AGBL3: variants seen among roughly 807,000 people sequenced by gnomAD.
The protein encoded by AGBL3 is AGBL carboxypeptidase 3, also known as cytosolic carboxypeptidase 3.
In AGBL3, 68 loss-of-function variants were observed where a neutral mutation model predicts 94.5. That is an observed-to-expected ratio of 0.72 (90% CI 0.59 to 0.88). AGBL3 has a LOEUF of 0.88. AGBL3 is among the 40% of genes least tolerant of loss of function. AGBL3 has a pLI of 0.00. For synonymous variants in AGBL3, 354 were observed against 370.7 expected (o/e 0.95, Z 0.52); for missense variants, 934 against 1,103.8 (o/e 0.85, Z 2.18).
intron 14 of AGBL3, among the ~76,000 whole-genome samples, chr7:135,080,606 A>C (rs940873137): frequency 2.0e-5 from 3 of 152,098 alleles, no homozygotes; most frequent in Admixed American, 6.5e-5. Flanking sequence ...TATGTTTTAA[A>C]ACCCATCTTT....
At chr7:135,109,394 G>T (rs1434380700) in intron 15 of AGBL3, among the ~76,000 whole-genome samples, 2 of 151,996 alleles carry the variant, frequency 1.3e-5, no homozygotes, top group East Asian at 3.9e-4. Context: ...TGGCTCGATA[G>T]CCCCAGCAAG....
Position 135,059,157 on chromosome 7 carries a change from T to G in AGBL3, c.1842-12T>G. On this transcript the variant is annotated splice_polypyrimidine_tract_variant and intron_variant, in intron 11 of 16. Coordinates refer to ENST00000436302, the MANE Select transcript of AGBL3 (RefSeq NM_178563.4). ...CAAAACACTGTATAAACCAAAATTATTTTTTTTGTAGTAGCCGAGGCTCTG... is the reference window on the plus strand; with the variant it reads ...CAAAACACTGTATAAACCAAAATTAGTTTTTTTGTAGTAGCCGAGGCTCTG... The G allele has an allele frequency of 6.7e-7, 1 of 1,492,772 alleles. No homozygotes were observed. The highest frequency in any genetic ancestry group is 2.1e-5 in the Admixed American group (1 of 46,714). 92.5% of individuals were successfully genotyped at this position (1,492,772 alleles called of 1,614,324 possible). A position where few individuals can be genotyped will look rare whatever the true frequency, so the allele number is the denominator to read the frequency against.
At chr7:135,076,375 T>G (rs1820451400) in intron 12 of AGBL3, 22 bp from the exon 13 acceptor site, 2 of 1,468,650 alleles carry the variant, frequency 1.4e-6, no homozygotes, top group Non-Finnish European at 1.9e-6. Context: ...AATATTGATT[T>G]TAAGTATGAT....
chr7:135,027,436 A>AT (rs59421460), intron 5 of AGBL3, among the ~76,000 whole-genome samples: 140,929 of 151,492 alleles, frequency 0.93, 66,360 homozygotes, highest in Non-Finnish European at 1. Flanking sequence ...AAAAAATTGT[A>AT]TTTATATTTA....
At chr7:135,014,219 AAAAAAAAAC>A (rs1355547425) in intron 4 of AGBL3, among the ~76,000 whole-genome samples, 3 of 126,130 alleles carry the variant, frequency 2.4e-5, no homozygotes, top group Non-Finnish European at 3.6e-5. Context: ...AAAAAAAAAA[AAAAAAAAAC>A]CCGAAATGTT....
At chr7:135,069,806 T>G (rs200732315) in intron 12 of AGBL3, among the ~76,000 whole-genome samples, 18,141 of 151,888 alleles carry the variant, frequency 0.12, 1,187 homozygotes, top group East Asian at 0.19. Context: ...ACATCACAAT[T>G]AAAAGAACTA....
Position 135,034,183 on chromosome 7 carries a change from G to C in AGBL3, c.592G>C (p.Asp198His). 6.4e-7 allele frequency: 1 copy of C among 1,551,344 alleles called. No homozygotes were observed. Among genetic ancestry groups the C allele is most frequent in the Non-Finnish European group, 8.7e-7 (1 of 1,146,864 alleles). The part of the protein sequence containing the change: ...EYEYQLTVRP[D>H]LFTNKHTQWY... ...CGAATACCAATTGACTGTACGCCCT[G>C]ACCTCTTCACAAATAAACACACCCA... The change falls in exon 7 of 17, where the codon GAC becomes CAC. Residue 198 changes from aspartate (D) to histidine (H), a missense_variant. Around this residue, in one of 3 missense-constraint regions of AGBL3, gnomAD observed 488 missense variants for 563.6 expected, o/e 0.87. Coordinates refer to ENST00000436302, the MANE Select transcript of AGBL3 (RefSeq NM_178563.4).
rs1304536701 is a variant in AGBL3, at chr7:134,993,682, T to C, written c.310+4T>C. The stretch of plus-strand genomic sequence containing the variant: ...GATGAAAAAGTCCAGCATATTGGTA[T>C]GTTTTTAGCAGTTTGGGGGATTCAG... On this transcript the variant is annotated splice_donor_region_variant and intron_variant, in intron 4 of 16. Transcript: ENST00000436302. 3 of 1,537,952 alleles carry C rather than the reference T, an allele frequency of 2.0e-6. No individual in the cohort carries two copies. The highest frequency in any genetic ancestry group is 1.7e-4 in the Middle Eastern group (1 of 5,960).
intron 15 of AGBL3, among the ~76,000 whole-genome samples, chr7:135,097,294 T>C (rs1823050084): frequency 6.6e-6 from 1 of 152,164 alleles, no homozygotes; most frequent in African/African-American, 2.4e-5. Flanking sequence ...CAATAATGTT[T>C]TCTACAGTGT....
chr7:135,123,897 T>C (rs1827490805), intron 16 of AGBL3, among the ~76,000 whole-genome samples: 1 of 152,102 alleles, frequency 6.6e-6, no homozygotes, highest in African/African-American at 2.4e-5. Context: ...AAAGAAGCAC[T>C]AAATATGAAA....
Position 135,034,832 on chromosome 7 carries a change from G to A in AGBL3, c.1241G>A (p.Arg414His), listed in dbSNP as rs1020880226. The A allele has an allele frequency of 8.4e-6, 13 of 1,551,880 alleles. No individual in the cohort carries two copies. Among genetic ancestry groups the A allele is most frequent in the Middle Eastern group, 3.3e-4 (2 of 5,994 alleles). ...NPDGVIVGNY[R>H]CSLAGRDLNR... ...GATGGTGTGATTGTGGGAAATTATC[G>A]CTGTTCCTTAGCTGGACGGGATTTA... is the stretch of plus-strand genomic sequence containing the variant. The change falls in exon 7 of 17, where the codon CGC becomes CAC. Residue 414 changes from arginine (R) to histidine (H), a missense_variant. Around this residue, in one of 3 missense-constraint regions of AGBL3, gnomAD observed 488 missense variants for 563.6 expected, o/e 0.87. Coordinates refer to ENST00000436302, the MANE Select transcript of AGBL3 (RefSeq NM_178563.4).
At chr7:135,067,892 T>C (rs1722686393) in intron 12 of AGBL3, among the ~76,000 whole-genome samples, 1 of 151,968 alleles carries the variant, frequency 6.6e-6, no homozygotes, top group Non-Finnish European at 1.5e-5. Context: ...GGATGGAAAA[T>C]GACTGACGAG....
chr7:135,039,719 T>G (rs1816663346), intron 8 of AGBL3, among the ~76,000 whole-genome samples: 1 of 151,748 alleles, frequency 6.6e-6, no homozygotes, highest in Non-Finnish European at 1.5e-5. Flanking sequence ...TGGGCAACAG[T>G]GTGAGACTCC....
chr7:135,119,129 G>C (rs12534612), intron 16 of AGBL3, among the ~76,000 whole-genome samples: 66,657 of 151,872 alleles, frequency 0.44, 15,327 homozygotes, highest in East Asian at 0.78. Context: ...TGGCTGAAAG[G>C]TTCCCAAATT....
intron 15 of AGBL3, among the ~76,000 whole-genome samples, chr7:135,096,911 G>T (rs1822986869): frequency 6.6e-6 from 1 of 152,152 alleles, no homozygotes; most frequent in Non-Finnish European, 1.5e-5. Flanking sequence ...AAGAATTTGG[G>T]ATTGTGCATT....
intron 16 of AGBL3, among the ~76,000 whole-genome samples, chr7:135,118,841 A>T (rs966353765): frequency 2.0e-5 from 3 of 152,190 alleles, no homozygotes; most frequent in Non-Finnish European, 4.4e-5. Context: ...ACCAAATAGA[A>T]ATTTTTGAAT....
At chr7:135,057,658 C>G (rs565343536) in intron 11 of AGBL3, among the ~76,000 whole-genome samples, 1 of 152,272 alleles carries the variant, frequency 6.6e-6, no homozygotes, top group East Asian at 1.9e-4. Context: ...AGTCTCAACA[C>G]TTGATCCAGC....
intron 15 of AGBL3, among the ~76,000 whole-genome samples, chr7:135,099,066 G>A (rs1388155700): frequency 6.6e-6 from 1 of 152,112 alleles, no homozygotes; most frequent in African/African-American, 2.4e-5. Context: ...TAACAGCAAA[G>A]TAAATAATAT....
At chr7:135,133,271 A>G (rs1308091897) in intron 16 of AGBL3, among the ~76,000 whole-genome samples, 1 of 152,232 alleles carries the variant, frequency 6.6e-6, no homozygotes, top group African/African-American at 2.4e-5. Context: ...CAACATGAAT[A>G]AGAGAAATTT....
Sources: allele counts gnomAD v4.1 joint callset (sites outside exome capture counted in the v4.1 genomes callset), GRCh38; gene constraint gnomAD v4.1.1; regional missense constraint gnomAD v4.1.1; transcripts MANE v1.5; gene names NCBI Gene and HGNC (gene_info 2026-07-23, HGNC 2026-07-21).